The following CDH12 variants were observed in gnomAD, a reference collection of about 807,000 sequenced individuals.
CDH12 encodes cadherin-12.
Under a neutral mutation model 74.1 loss-of-function variants are expected in CDH12, and 41 were observed. That is an observed-to-expected ratio of 0.55 (90% CI 0.43 to 0.72). CDH12 has a LOEUF of 0.72. CDH12 is among the 30% of genes least tolerant of loss of function. CDH12 has a pLI of 0.00. For missense variants in CDH12, 945 were observed against 977.2 expected (o/e 0.97, Z 0.44); for synonymous variants, 399 against 355.0 (o/e 1.12, Z -1.39).
At chr5:22,544,932 C>T (rs1738250969) in intron 1 of CDH12, among the ~76,000 whole-genome samples, 1 of 151,948 alleles carries the variant, frequency 6.6e-6, no homozygotes, top group African/African-American at 2.4e-5. Context: ...TTTTTTAAAT[C>T]AGAGACAGCT....
At chr5:22,279,443 G>A (rs1048627193) in intron 3 of CDH12, among the ~76,000 whole-genome samples, 3 of 152,158 alleles carry the variant, frequency 2.0e-5, no homozygotes, top group South Asian at 2.1e-4. Context: ...TGTTACATAT[G>A]TATACATGTG....
intron 3 of CDH12, among the ~76,000 whole-genome samples, chr5:22,342,395 T>C (rs1378772006): frequency 6.6e-6 from 1 of 152,176 alleles, no homozygotes; most frequent in East Asian, 1.9e-4. Flanking sequence ...ATTATTTCTG[T>C]CCAAATCTTG....
At chr5:22,573,537 A>T (rs1022272606) in intron 1 of CDH12, among the ~76,000 whole-genome samples, 1 of 152,128 alleles carries the variant, frequency 6.6e-6, no homozygotes, top group African/African-American at 2.4e-5. Flanking sequence ...TAGGGGGGAG[A>T]TGGGTATGTA....
intron 4 of CDH12, among the ~76,000 whole-genome samples, chr5:22,133,466 C>T (rs2033649746): frequency 6.6e-6 from 1 of 152,060 alleles, no homozygotes; most frequent in Admixed American, 6.6e-5. Context: ...TTGAATTCAG[C>T]CTTTCTGAGG....
chr5:22,821,580 A>C (rs2126476323), intron 1 of CDH12, among the ~76,000 whole-genome samples: 1 of 152,324 alleles, frequency 6.6e-6, no homozygotes, highest in Admixed American at 6.5e-5. Context: ...AAGCATTCTT[A>C]TACACCAATA....
At chr5:21,792,699 A>G (rs1021415813) in intron 10 of CDH12, among the ~76,000 whole-genome samples, 1 of 142,818 alleles carries the variant, frequency 7.0e-6, no homozygotes, top group Non-Finnish European at 1.5e-5. Flanking sequence ...TCTGTTGGTT[A>G]TCTGACCACT....
At chr5:22,376,517 C>A in intron 3 of CDH12, among the ~76,000 whole-genome samples, 1 of 151,934 alleles carries the variant, frequency 6.6e-6, no homozygotes, top group Non-Finnish European at 1.5e-5. Flanking sequence ...CATACCCTGA[C>A]TTGATCATTA....
chr5:22,030,107 C>T (rs1199013293), intron 5 of CDH12, among the ~76,000 whole-genome samples: 8 of 43,186 alleles, frequency 1.9e-4, no homozygotes, highest in African/African-American at 5.8e-4. Context: ...ACTCTGGGGA[C>T]GGTTGTGGGG....
intron 4 of CDH12, among the ~76,000 whole-genome samples, chr5:22,172,734 T>C (rs1422961724): frequency 1.3e-5 from 2 of 151,852 alleles, no homozygotes; most frequent in Non-Finnish European, 2.9e-5. Flanking sequence ...TTTTATTGAA[T>C]GCATTTCCTT....
chr5:21,947,637 C>T (rs1755639781), intron 6 of CDH12, among the ~76,000 whole-genome samples: 2 of 152,094 alleles, frequency 1.3e-5, no homozygotes, highest in South Asian at 4.1e-4. Context: ...CCTGACCATG[C>T]AGTAGAAAAG....
Position 22,078,629 on chromosome 5 carries a change from A to G in CDH12, c.48T>C (p.Asp16=). 6.2e-7 allele frequency: 1 copy of G among 1,613,878 alleles called. No homozygotes were observed. The highest frequency in any genetic ancestry group is 8.5e-7 in the Non-Finnish European group (1 of 1,179,822). The change falls in exon 5 of 15, where the codon GAT becomes GAC. Residue 16 remains aspartate (D), a synonymous_variant. Coordinates refer to ENST00000382254, the MANE Select transcript of CDH12 (RefSeq NM_004061.5). The stretch of plus-strand genomic sequence containing the variant: ...GTTGTAGTGGTGTTAGGAGACCTCC[A>G]TCAAACAGAACCCAGAGAAGCAGGG... The part of the protein sequence containing the change: ...CLSLLLWVLF[D]GGLLTPLQPQ...
intron 1 of CDH12, among the ~76,000 whole-genome samples, chr5:22,851,062 G>A (rs1287798642): frequency 6.6e-6 from 1 of 152,124 alleles, no homozygotes; most frequent in African/African-American, 2.4e-5. Flanking sequence ...TCAAAGGACA[G>A]AGTTATATGA....
At chr5:22,318,275 T>G (rs565456118) in intron 3 of CDH12, among the ~76,000 whole-genome samples, 1 of 152,328 alleles carries the variant, frequency 6.6e-6, no homozygotes, top group East Asian at 1.9e-4. Context: ...AGACATCACA[T>G]GGCACCAATA....
intron 4 of CDH12, among the ~76,000 whole-genome samples, chr5:22,181,129 C>G (rs1749622775): frequency 6.6e-6 from 1 of 152,136 alleles, no homozygotes; most frequent in African/African-American, 2.4e-5. Context: ...CCGTCTGAAT[C>G]TCTGTTCATT....
At chr5:22,539,217 T>G (rs532396527) in intron 1 of CDH12, among the ~76,000 whole-genome samples, 4 of 152,330 alleles carry the variant, frequency 2.6e-5, no homozygotes, top group Admixed American at 2.0e-4. Context: ...TATCTACAGA[T>G]GTACTGCTTA....
intron 1 of CDH12, among the ~76,000 whole-genome samples, chr5:22,544,145 T>A (rs1738216513): frequency 6.6e-6 from 1 of 152,170 alleles, no homozygotes; most frequent in East Asian, 1.9e-4. Flanking sequence ...TTTTTTTTAT[T>A]TTCATTGCCT....
At position 22,678,317 on chromosome 5, in the gene CDH12, G is replaced by A. The variant is rs186659870; in HGVS notation, c.-522-172953C>T. 3.9e-3 allele frequency among the ~76,000 whole-genome samples: 588 copies of A among 152,186 alleles called. 4 individuals carry two copies. Among genetic ancestry groups the A allele is most frequent in the African/African-American group, 0.013 (530 of 41,536 alleles). ...GTAGCAAACACTGAATAGCTTCATA[G>A]AGAAGCTGTTACTGCTACTGTCAAA... is the stretch of plus-strand genomic sequence containing the variant. On this transcript the variant is annotated intron_variant, in intron 1 of 14. Coordinates refer to ENST00000382254, the MANE Select transcript of CDH12 (RefSeq NM_004061.5).
At chr5:22,167,825 T>C (rs1748773856) in intron 4 of CDH12, among the ~76,000 whole-genome samples, 1 of 152,150 alleles carries the variant, frequency 6.6e-6, no homozygotes, top group South Asian at 2.1e-4. Context: ...AAAATCCATA[T>C]TCCATTTCTA....
intron 8 of CDH12, 53 bp from the exon 9 acceptor site, chr5:21,817,185 T>C (rs1712161272): frequency 1.6e-6 from 2 of 1,245,350 alleles, no homozygotes; most frequent in East Asian, 2.4e-5. Flanking sequence ...AGAGATATAG[T>C]AAGATTACAA....
Sources: gnomAD v4.1 joint callset for allele counts (sites outside exome capture counted in the v4.1 genomes callset) on GRCh38, gnomAD v4.1.1 for gene constraint, MANE v1.5 for transcripts, NCBI Gene and HGNC (gene_info 2026-07-23, HGNC 2026-07-21) for gene names.